Variants in LRFN2 observed in about 807,000 individuals in gnomAD.
The protein encoded by LRFN2 is leucine-rich repeat and fibronectin type-III domain-containing protein 2.
Under a neutral mutation model 37.3 loss-of-function variants are expected in LRFN2, and 18 were observed. The observed-to-expected ratio is 0.48, with a 90% CI of 0.33 to 0.72. The LOEUF (loss-of-function observed/expected upper bound fraction) is 0.72, where lower values mean the gene tolerates loss of function less well. LRFN2 is among the 30% of genes least tolerant of loss of function. LRFN2 has a pLI of 0.02. For synonymous variants in LRFN2, 556 were observed against 466.6 expected (o/e 1.19, Z -2.47); for missense variants, 1,006 against 1,060.7 (o/e 0.95, Z 0.72).
chr6:40,423,015 T>G (rs183453044), intron 2 of LRFN2, among the ~76,000 whole-genome samples: 1 of 152,230 alleles, frequency 6.6e-6, no homozygotes, highest in Non-Finnish European at 1.5e-5. Flanking sequence ...ACAGATGCTC[T>G]GAAGCTTTTT....
intron 1 of LRFN2, among the ~76,000 whole-genome samples, chr6:40,569,281 G>T (rs538198317): frequency 1.4e-4 from 22 of 152,326 alleles, no homozygotes; most frequent in Admixed American, 1.4e-3. Context: ...GGGAGGACTG[G>T]CCTGGAACCA....
intron 1 of LRFN2, among the ~76,000 whole-genome samples, chr6:40,449,442 G>A (rs779243909): frequency 2.0e-5 from 3 of 152,240 alleles, no homozygotes; most frequent in Non-Finnish European, 2.9e-5. Flanking sequence ...CCAAAGGGTT[G>A]TGAGTAAATG....
intron 1 of LRFN2, among the ~76,000 whole-genome samples, chr6:40,552,017 G>A (rs431113): frequency 0.12 from 18,363 of 152,084 alleles, 1,301 homozygotes; most frequent in Non-Finnish European, 0.16. Flanking sequence ...AAATCCTCGT[G>A]TGTTATACAA....
At chr6:40,524,287 G>C (rs1469656406) in intron 1 of LRFN2, among the ~76,000 whole-genome samples, 1 of 152,040 alleles carries the variant, frequency 6.6e-6, no homozygotes, top group East Asian at 1.9e-4. Flanking sequence ...CCTCTAACAG[G>C]TGTCCCATAA....
chr6:40,418,676 C>T (rs1318550732), intron 2 of LRFN2, among the ~76,000 whole-genome samples: 1 of 152,182 alleles, frequency 6.6e-6, no homozygotes, highest in African/African-American at 2.4e-5. Flanking sequence ...AGCTCAAGCT[C>T]CCCTGCCTCC....
intron 1 of LRFN2, among the ~76,000 whole-genome samples, chr6:40,572,368 C>T (rs1421652744): frequency 6.6e-6 from 1 of 152,190 alleles, no homozygotes. Context: ...TTATCCAGTT[C>T]ATTAGCCCCC....
intron 1 of LRFN2, among the ~76,000 whole-genome samples, chr6:40,479,176 A>T (rs1764770368): frequency 6.6e-6 from 1 of 152,224 alleles, no homozygotes; most frequent in Non-Finnish European, 1.5e-5. Context: ...AAGCTCTTAG[A>T]ATGCTTGGTA....
intron 1 of LRFN2, among the ~76,000 whole-genome samples, chr6:40,538,522 C>T (rs1418713251): frequency 6.6e-6 from 1 of 152,276 alleles, no homozygotes; most frequent in Non-Finnish European, 1.5e-5. Flanking sequence ...CCCTCTTTCT[C>T]TTTGTTCTGC....
intron 1 of LRFN2, among the ~76,000 whole-genome samples, chr6:40,486,488 T>C (rs1764961707): frequency 6.6e-6 from 1 of 152,226 alleles, no homozygotes; most frequent in South Asian, 2.1e-4. Flanking sequence ...TTCAGGGTTA[T>C]GATGGGCTTG....
At chr6:40,530,542 T>C (rs2436740) in intron 1 of LRFN2, among the ~76,000 whole-genome samples, 5,244 of 152,110 alleles carry the variant, frequency 0.034, 313 homozygotes, top group African/African-American at 0.12. Context: ...AACGCTCTGT[T>C]CTTCCTGAGT....
At chr6:40,434,471 C>T (rs999398447) in intron 1 of LRFN2, among the ~76,000 whole-genome samples, 3 of 151,254 alleles carry the variant, frequency 2.0e-5, no homozygotes, top group Non-Finnish European at 2.9e-5. Context: ...TCTCAAATTG[C>T]CTTTTTTTTT....
rs552699066 is a variant in LRFN2, at chr6:40,410,408, C to T, written c.1401-17496G>A. Among the ~76,000 whole-genome samples, 24 of 152,180 alleles carry T rather than the reference C, an allele frequency of 1.6e-4. 1 individual carries two copies. The South Asian group carries it at 4.6e-3, about 29-fold the overall frequency. On this transcript the variant is annotated intron_variant, in intron 2 of 2. Coordinates refer to ENST00000338305, the MANE Select transcript of LRFN2 (RefSeq NM_020737.3). ...AGGGGCAGCAGCACGTCCCTGACCC[C>T]GAAAGCACACAGGAGTTAGCATCAA...
intron 2 of LRFN2, among the ~76,000 whole-genome samples, chr6:40,426,798 T>G (rs1055814420): frequency 6.6e-6 from 1 of 152,154 alleles, no homozygotes; most frequent in Non-Finnish European, 1.5e-5. Context: ...TCATCAGCCC[T>G]CCTCTGGATA....
intron 1 of LRFN2, among the ~76,000 whole-genome samples, chr6:40,536,961 T>C (rs1205719566): frequency 6.6e-6 from 1 of 152,156 alleles, no homozygotes; most frequent in Admixed American, 6.5e-5. Flanking sequence ...TTCTTAAACC[T>C]CACCACAACA....
At chr6:40,555,578 T>C (rs1766859505) in intron 1 of LRFN2, among the ~76,000 whole-genome samples, 1 of 152,150 alleles carries the variant, frequency 6.6e-6, no homozygotes, top group Non-Finnish European at 1.5e-5. Flanking sequence ...GAGGAGTCTG[T>C]GCCTCCTGGA....
intron 1 of LRFN2, among the ~76,000 whole-genome samples, chr6:40,527,270 C>T (rs75425547): frequency 0.015 from 2,323 of 152,284 alleles, 19 homozygotes; most frequent in Non-Finnish European, 0.021. Context: ...CAATGCATTC[C>T]AGGACAGCCA....
At chr6:40,518,118 C>T (rs1765938002) in intron 1 of LRFN2, among the ~76,000 whole-genome samples, 2 of 152,164 alleles carry the variant, frequency 1.3e-5, no homozygotes, top group Admixed American at 6.5e-5. Context: ...ATGCCTAGCT[C>T]CCTCTGGGCC....
intron 2 of LRFN2, among the ~76,000 whole-genome samples, chr6:40,418,298 C>A (rs1456745263): frequency 6.6e-6 from 1 of 152,170 alleles, no homozygotes; most frequent in East Asian, 1.9e-4. Flanking sequence ...TTCCTAACCA[C>A]CCATATAAAA....
At chr6:40,566,540 A>T (rs1242453760) in intron 1 of LRFN2, among the ~76,000 whole-genome samples, 1 of 151,762 alleles carries the variant, frequency 6.6e-6, no homozygotes, top group Admixed American at 6.6e-5. Flanking sequence ...TACACCATGG[A>T]ATACTATGCA....
Sources: allele counts gnomAD v4.1 joint callset (sites outside exome capture counted in the v4.1 genomes callset), GRCh38; gene constraint gnomAD v4.1.1; transcripts MANE v1.5; gene names NCBI Gene and HGNC (gene_info 2026-07-23, HGNC 2026-07-21).